The following ZFP64 variants were observed in gnomAD, a reference collection of about 807,000 sequenced individuals.
ZFP64 encodes ZFP64 zinc finger protein.
A neutral mutation model predicts 51.6 loss-of-function variants in ZFP64; 14 were observed. The ratio of observed to expected loss-of-function variants is 0.27; its 90% CI spans 0.18 to 0.42. The LOEUF (loss-of-function observed/expected upper bound fraction) is 0.42. Among genes scored for constraint, ZFP64 ranks in the 10% least tolerant of loss-of-function variants. The probability of loss-of-function intolerance (pLI) is 1.00; values close to 1 mark genes in which losing one functional copy is unlikely to be tolerated. For synonymous variants in ZFP64, 375 were observed against 361.4 expected (o/e 1.04, Z -0.43); for missense variants, 754 against 906.8 (o/e 0.83, Z 2.16).
downstream of ZFP64, among the ~76,000 whole-genome samples, chr20:52,148,365 T>C (rs965259689): frequency 6.6e-6 from 1 of 152,176 alleles, no homozygotes; most frequent in East Asian, 1.9e-4. Flanking sequence ...AAAATAATAT[T>C]TAACAAATGG....
intron 5 of ZFP64, among the ~76,000 whole-genome samples, chr20:52,129,592 T>C (rs6021720): frequency 0.37 from 55,752 of 152,104 alleles, 10,974 homozygotes; most frequent in Non-Finnish European, 0.42. Context: ...CCGTTCTTTG[T>C]CTTCAATTGT....
At chr20:52,098,606 T>C (rs768956008) in intron 5 of ZFP64, 5 of 1,613,902 alleles carry the variant, frequency 3.1e-6, no homozygotes, top group Non-Finnish European at 4.2e-6. Context: ...GAGGCATAGT[T>C]TTGCTTAGTT....
Position 52,160,173 on chromosome 20 carries a change from T to A in ZFP64, c.713A>T (p.Tyr238Phe), listed in dbSNP as rs758671374. ...ERPFKCQICP[Y>F]ASRNSSQLTV... ...GAGCTGGCTGGAGTTGCGGCTGGCGTAGGGGCAGATCTGGCATTTGAAGGG... is the reference window on the plus strand; with the variant it reads ...GAGCTGGCTGGAGTTGCGGCTGGCGAAGGGGCAGATCTGGCATTTGAAGGG... The change falls in exon 5 of 6, where the codon TAC (tyrosine) becomes TTC (phenylalanine). Residue 238 changes from tyrosine to phenylalanine, a missense_variant. Tyr to Phe is a conservative substitution (Grantham distance 22). This residue lies in a region of ZFP64 where 231 missense variants were observed against 336.7 expected (regional missense o/e 0.69). Coordinates refer to ENST00000216923, the MANE Select transcript of ZFP64 (RefSeq NM_018197.3). The surrounding 1 kb of genome is among the most constrained non-coding windows in gnomAD (Gnocchi z 4.2). 1 of 1,613,880 alleles carries A rather than the reference T, an allele frequency of 6.2e-7. No individual in the cohort carries two copies. The highest frequency in any genetic ancestry group is 1.3e-5 in the African/African-American group (1 of 74,870).
intron 7 of ZFP64, among the ~76,000 whole-genome samples, chr20:52,090,954 G>C (rs1034001373): frequency 7.8e-6 from 1 of 128,166 alleles, no homozygotes; most frequent in Non-Finnish European, 1.7e-5. Context: ...AAAAAAAAAG[G>C]ATTTGCTACG....
At chr20:52,186,603 G>GT (rs930863647) in intron 2 of ZFP64, among the ~76,000 whole-genome samples, 12 of 147,340 alleles carry the variant, frequency 8.1e-5, no homozygotes, top group South Asian at 4.4e-4. Flanking sequence ...TTTTTTGTCT[G>GT]TTTTTTTTGT....
intron 5 of ZFP64, 146 bp downstream of exon 5, chr20:52,159,977 C>CA: frequency 5.0e-5 from 70 of 1,413,970 alleles, no homozygotes; most frequent in Non-Finnish European, 6.4e-5. Context: ...AAAACAACAA[C>CA]AACAAAAAAA....
In ZFP64 at chr20:52,105,067, G is replaced by A. The variant is rs976444018; in HGVS notation, c.764-6480C>T. 7.9e-6 allele frequency: 11 copies of A among 1,396,032 alleles called. No homozygotes were observed. The African/African-American group carries it at 1.3e-4, about 17-fold the overall frequency. The allele number at this position is 1,396,032 out of a possible 1,614,324, so 86.5% of individuals were successfully genotyped here. On this transcript the variant is annotated intron_variant, in intron 5 of 8. Coordinates refer to the ZFP64 transcript ENST00000361387. ...CCCTGCCCGGTCCTCGTACCCGCGC[G>A]GGTCCGGAGAACCTCTGAGCACCGG...
At chr20:52,164,454 T>A (rs1302353052) in intron 4 of ZFP64, among the ~76,000 whole-genome samples, 4 of 152,198 alleles carry the variant, frequency 2.6e-5, no homozygotes, top group Non-Finnish European at 5.9e-5. Context: ...GCTGTAACAG[T>A]TCACATTCCC....
intron 7 of ZFP64, among the ~76,000 whole-genome samples, chr20:52,089,471 T>G (rs912498530): frequency 1.6e-4 from 24 of 152,330 alleles, no homozygotes; most frequent in African/African-American, 5.5e-4. Context: ...CCAGGTGCGG[T>G]GGCTCACACC....
intron 5 of ZFP64, among the ~76,000 whole-genome samples, chr20:52,128,395 G>A (rs1979548631): frequency 6.6e-6 from 1 of 152,182 alleles, no homozygotes; most frequent in Non-Finnish European, 1.5e-5. Flanking sequence ...AATGGACAAG[G>A]TGGGTAAATA....
chr20:52,130,386 T>C (rs1434381463), intron 5 of ZFP64, among the ~76,000 whole-genome samples: 1 of 152,072 alleles, frequency 6.6e-6, no homozygotes, highest in East Asian at 1.9e-4. Flanking sequence ...ACTAATCTTT[T>C]TATTTTTTGT....
intron 5 of ZFP64, among the ~76,000 whole-genome samples, chr20:52,124,569 C>T (rs955092675): frequency 6.6e-6 from 1 of 151,606 alleles, no homozygotes; most frequent in African/African-American, 2.4e-5. Context: ...ATGTTTGACA[C>T]TTTTTACAAA....
intron 5 of ZFP64, among the ~76,000 whole-genome samples, chr20:52,098,871 A>G (rs956712430): frequency 1.4e-4 from 21 of 151,966 alleles, no homozygotes; most frequent in African/African-American, 4.1e-4. Flanking sequence ...GCATGGTGGT[A>G]TGTGCCTGTA....
chr20:52,093,713 G>T (rs376039124), intron 7 of ZFP64, among the ~76,000 whole-genome samples: 1 of 152,182 alleles, frequency 6.6e-6, no homozygotes, highest in Admixed American at 6.5e-5. Context: ...CTAGCCACTA[G>T]CTCCTGACAT....
chr20:52,124,818 G>C (rs1236999559), intron 5 of ZFP64, among the ~76,000 whole-genome samples: 2 of 151,608 alleles, frequency 1.3e-5, no homozygotes, highest in Non-Finnish European at 2.9e-5. Context: ...TGCCCAGGCT[G>C]GTCTTGAACT....
chr20:52,118,869 G>T (rs1204884594), intron 5 of ZFP64, among the ~76,000 whole-genome samples: 2 of 152,208 alleles, frequency 1.3e-5, no homozygotes, highest in Non-Finnish European at 2.9e-5. Flanking sequence ...TAGGTTGGGT[G>T]CAGTGGCTCG....
intron 5 of ZFP64, among the ~76,000 whole-genome samples, chr20:52,118,175 C>T (rs776129200): frequency 2.2e-4 from 34 of 152,272 alleles, no homozygotes; most frequent in Non-Finnish European, 3.7e-4. Flanking sequence ...AATAACCCCT[C>T]TACAAATCTT....
At chr20:52,127,393 C>T (rs187728747) in intron 5 of ZFP64, among the ~76,000 whole-genome samples, 39 of 152,188 alleles carry the variant, frequency 2.6e-4, no homozygotes, top group East Asian at 1.4e-3. Flanking sequence ...ATAATCCCCA[C>T]GTGTCAAGGG....
intron 5 of ZFP64, among the ~76,000 whole-genome samples, chr20:52,136,484 A>G (rs921334344): frequency 6.6e-6 from 1 of 152,210 alleles, no homozygotes; most frequent in African/African-American, 2.4e-5. Context: ...TATTGCTATA[A>G]CAATACAACT....
Sources: gnomAD v4.1 joint callset for allele counts (sites outside exome capture counted in the v4.1 genomes callset) on GRCh38, gnomAD v4.1.1 for gene constraint, gnomAD v4.1.1 regional missense constraint, Gnocchi (gnomAD v3.1) non-coding constraint, MANE v1.5 for transcripts, NCBI Gene and HGNC (gene_info 2026-07-23, HGNC 2026-07-21) for gene names.